FGF12: variants seen among roughly 807,000 people sequenced by gnomAD.
FGF12 encodes the protein fibroblast growth factor 12B.
FGF12 carries 14 observed loss-of-function variants against 23.6 expected under a neutral mutation model. That is an observed-to-expected ratio of 0.59 (90% CI 0.39 to 0.93). The LOEUF (loss-of-function observed/expected upper bound fraction) is 0.93. Among genes scored for constraint, FGF12 ranks in the 40% least tolerant of loss-of-function variants. The pLI is 0.00. For missense variants in FGF12, 175 were observed against 217.8 expected, an observed-to-expected ratio of 0.80 and a Z score of 1.24; for synonymous variants, 62 against 77.3, an observed-to-expected ratio of 0.80 and a Z score of 1.04.
At chr3:192,621,690 C>CAAAAAAAAAAAAAAAAAA (rs5855441) in intron 2 of FGF12, among the ~76,000 whole-genome samples, 1 of 94,362 alleles carries the variant, frequency 1.1e-5, no homozygotes, top group African/African-American at 4.0e-5. Context: ...GATACAAATA[C>CAAAAAAAAAAAAAAAAAA]AAAAAAAAAA....
chr3:192,697,508 T>A, intron 2 of FGF12, among the ~76,000 whole-genome samples: 1 of 152,302 alleles, frequency 6.6e-6, no homozygotes, highest in South Asian at 2.1e-4. Flanking sequence ...CAGGAGGCAC[T>A]TATTATTTCA....
intron 2 of FGF12, among the ~76,000 whole-genome samples, chr3:192,523,548 A>G (rs915307909): frequency 6.6e-6 from 1 of 152,194 alleles, no homozygotes; most frequent in Non-Finnish European, 1.5e-5. Flanking sequence ...AGTAATAAAG[A>G]GCCCTACCCA....
At chr3:192,197,707 G>A (rs1717141956) in intron 4 of FGF12, among the ~76,000 whole-genome samples, 1 of 152,150 alleles carries the variant, frequency 6.6e-6, no homozygotes, top group Admixed American at 6.5e-5. Flanking sequence ...CATTTTGGGA[G>A]GCCGAGGCGG....
chr3:192,569,405 A>T (rs1532683), intron 2 of FGF12, among the ~76,000 whole-genome samples: 96,867 of 152,078 alleles, frequency 0.64, 31,738 homozygotes, highest in African/African-American at 0.78. Flanking sequence ...TTAATTTCTA[A>T]GGAACCCTCG....
chr3:192,540,852 T>C (rs1321421359), intron 2 of FGF12, among the ~76,000 whole-genome samples: 1 of 152,218 alleles, frequency 6.6e-6, no homozygotes, highest in Non-Finnish European at 1.5e-5. Flanking sequence ...AGTTGTTACA[T>C]CATTTTGCTG....
At chr3:192,393,073 T>C (rs1208131175) in intron 2 of FGF12, among the ~76,000 whole-genome samples, 2 of 152,226 alleles carry the variant, frequency 1.3e-5, no homozygotes, top group African/African-American at 4.8e-5. Flanking sequence ...AGAACATTGC[T>C]GAGGTCTTTC....
At chr3:192,485,916 A>C (rs1334486423) in intron 2 of FGF12, among the ~76,000 whole-genome samples, 2 of 152,136 alleles carry the variant, frequency 1.3e-5, no homozygotes, top group Non-Finnish European at 2.9e-5. Context: ...TTAATTTGTA[A>C]ATTATCTAGT....
chr3:192,412,549 C>T (rs1002190591), intron 2 of FGF12, among the ~76,000 whole-genome samples: 5 of 152,164 alleles, frequency 3.3e-5, no homozygotes, highest in Admixed American at 6.5e-5. Flanking sequence ...ACTACTTTTT[C>T]CCTCGCACTC....
At chr3:192,671,710 TA>T (rs1435795201) in intron 2 of FGF12, among the ~76,000 whole-genome samples, 1 of 151,930 alleles carries the variant, frequency 6.6e-6, no homozygotes, top group Non-Finnish European at 1.5e-5. Context: ...GTCTTCTAGT[TA>T]GGGGAGAAAC....
At chr3:192,653,152 C>T (rs998491655) in intron 2 of FGF12, among the ~76,000 whole-genome samples, 15 of 152,122 alleles carry the variant, frequency 9.9e-5, no homozygotes, top group African/African-American at 2.9e-4. Flanking sequence ...ACAGAAGAGA[C>T]GGTGGGCATA....
chr3:192,341,973 G>A (rs12494980), intron 3 of FGF12, among the ~76,000 whole-genome samples: 35,704 of 152,008 alleles, frequency 0.23, 4,323 homozygotes, highest in Admixed American at 0.3. Flanking sequence ...ATAAATATTT[G>A]TTAGGACTTA....
At chr3:192,575,795 T>A (rs576450825) in intron 2 of FGF12, among the ~76,000 whole-genome samples, 9 of 144,596 alleles carry the variant, frequency 6.2e-5, no homozygotes, top group Non-Finnish European at 1.2e-4. Flanking sequence ...CAACAAATAA[T>A]CTGTAGGGTG....
At chr3:192,687,834 C>A (rs1477780107) in intron 2 of FGF12, among the ~76,000 whole-genome samples, 3 of 152,196 alleles carry the variant, frequency 2.0e-5, no homozygotes, top group African/African-American at 7.2e-5. Context: ...CCGCAGCTGA[C>A]ACCTGCCATC....
intron 2 of FGF12, among the ~76,000 whole-genome samples, chr3:192,547,709 C>G (rs148324017): frequency 6.6e-6 from 1 of 152,290 alleles, no homozygotes; most frequent in Non-Finnish European, 1.5e-5. Context: ...CTTAAAAATA[C>G]CTGCTCTAGG....
At chr3:192,415,521 A>G (rs1410523733) in intron 2 of FGF12, among the ~76,000 whole-genome samples, 1 of 152,090 alleles carries the variant, frequency 6.6e-6, no homozygotes, top group Non-Finnish European at 1.5e-5. Flanking sequence ...AACTCTTTGT[A>G]TCAGGAAATA....
intron 4 of FGF12, among the ~76,000 whole-genome samples, chr3:192,231,152 G>C (rs1281985943): frequency 6.6e-6 from 1 of 152,118 alleles, no homozygotes; most frequent in Non-Finnish European, 1.5e-5. Context: ...AAATATCTCT[G>C]ACAGAGTTCC....
At chr3:192,455,100 T>C (rs1037659064) in intron 2 of FGF12, among the ~76,000 whole-genome samples, 1 of 152,202 alleles carries the variant, frequency 6.6e-6, no homozygotes, top group Non-Finnish European at 1.5e-5. Context: ...ATAAGACTTA[T>C]TGCTTGGAAA....
At chr3:192,370,240 T>G in intron 2 of FGF12, among the ~76,000 whole-genome samples, 1 of 152,336 alleles carries the variant, frequency 6.6e-6, no homozygotes, top group Non-Finnish European at 1.5e-5. Flanking sequence ...ATTATACATC[T>G]CTATCAGTAA....
At chr3:192,150,996 C>A (rs1423904083) in intron 5 of FGF12, among the ~76,000 whole-genome samples, 7 of 147,038 alleles carry the variant, frequency 4.8e-5, no homozygotes, top group Non-Finnish European at 7.5e-5. Context: ...TTTCCTTGAG[C>A]AGTGGTTTGT....
Sources: gnomAD v4.1 joint callset for allele counts (sites outside exome capture counted in the v4.1 genomes callset) on GRCh38, gnomAD v4.1.1 for gene constraint, MANE v1.5 for transcripts, NCBI Gene and HGNC (gene_info 2026-07-23, HGNC 2026-07-21) for gene names.